PHYHD1: variants seen among roughly 807,000 people sequenced by gnomAD.
The protein encoded by PHYHD1 is phytanoyl-CoA dioxygenase domain-containing protein 1.
PHYHD1 carries 42 observed loss-of-function variants against 43.6 expected under a neutral mutation model. That is an observed-to-expected ratio of 0.96 (90% CI 0.75 to 1.25). The LOEUF (loss-of-function observed/expected upper bound fraction) is 1.25, where lower values mean the gene tolerates loss of function less well. PHYHD1 is among the 50% of genes most tolerant of loss of function. The pLI is 0.00. For missense variants in PHYHD1, 342 were observed against 370.8 expected, an observed-to-expected ratio of 0.92 and a Z score of 0.64; for synonymous variants, 139 against 143.6, an observed-to-expected ratio of 0.97 and a Z score of 0.23.
chr9:128,938,786 G>A lies in PHYHD1; in HGVS notation c.457+1008G>A, dbSNP rs116066436. ...ATTCAGCATAGAAATTGCTGATCTA[G>A]TTCCACACCCTACACCATGCAGCCA... On this transcript the variant is annotated intron_variant, in intron 9 of 12. Coordinates refer to ENST00000372592, the MANE Select transcript of PHYHD1 (RefSeq NM_001100876.2). Among the ~76,000 whole-genome samples, 27 of 131,086 alleles carry A rather than the reference G, an allele frequency of 2.1e-4. 2 individuals are homozygous for A. Among genetic ancestry groups the A allele is most frequent in the African/African-American group, 6.8e-4 (27 of 39,968 alleles). The allele number at this position is 131,086 out of a possible 152,430, so 86.0% of individuals were successfully genotyped here. A position where few individuals can be genotyped will look rare whatever the true frequency, so the allele number is the denominator to read the frequency against.
intron 3 of PHYHD1, among the ~76,000 whole-genome samples, chr9:128,926,644 C>T (rs560840562): frequency 1.0e-3 from 145 of 143,028 alleles, no homozygotes; most frequent in African/African-American, 3.3e-3. Flanking sequence ...CTGCAACCTC[C>T]GCCTCCTGGG....
chr9:128,932,847 AT>A (rs1215585612), intron 4 of PHYHD1, among the ~76,000 whole-genome samples: 1 of 148,092 alleles, frequency 6.8e-6, no homozygotes, highest in African/African-American at 2.5e-5. Flanking sequence ...TTATTTATTT[AT>A]TTATTTATTT....
chr9:128,932,392 A>C (rs1362348533), intron 4 of PHYHD1, among the ~76,000 whole-genome samples: 1 of 149,622 alleles, frequency 6.7e-6, no homozygotes, highest in African/African-American at 2.5e-5. Context: ...CTTGAGATGG[A>C]ATTTCGCTCT....
At chr9:128,933,675 C>T in intron 4 of PHYHD1, 107 bp from the exon 5 acceptor site, 1 of 1,226,212 alleles carries the variant, frequency 8.2e-7, no homozygotes, top group Non-Finnish European at 1.2e-6. Context: ...CCCAGGGTGT[C>T]TGTAACCCTG....
chr9:128,941,448 C>T lies in PHYHD1; in HGVS notation c.707C>T (p.Ala236Val), dbSNP rs1251756493. 1 of 1,613,298 alleles carries T rather than the reference C, an allele frequency of 6.2e-7. No homozygotes were observed. Among genetic ancestry groups the T allele is most frequent in the East Asian group, 2.2e-5 (1 of 44,866 alleles). The change falls in exon 12 of 13, where the codon GCC (alanine) becomes GTC (valine). Residue 236 changes from alanine (A) to valine (V), a missense_variant. Physicochemically the swap from Ala to Val is moderately conservative, Grantham distance 64 (BLOSUM62 0). Transcript: ENST00000372592. ...GACCTGCTTGTGTCTCTGCCAGGGG[C>T]CCTGGTCCTCATCCATGGAGAAGTG... ...LFVPTPVQRG[A>V]LVLIHGEVVH...
intron 4 of PHYHD1, among the ~76,000 whole-genome samples, chr9:128,931,412 A>G (rs1841272357): frequency 6.6e-6 from 1 of 151,986 alleles, no homozygotes; most frequent in South Asian, 2.1e-4. Flanking sequence ...CACCCATCCT[A>G]GAGCCAGGAT....
At chr9:128,934,251 T>C (rs940820253) in intron 6 of PHYHD1, among the ~76,000 whole-genome samples, 193 bp downstream of exon 6, 3 of 151,806 alleles carry the variant, frequency 2.0e-5, no homozygotes, top group African/African-American at 7.3e-5. Context: ...TAGGTGAGTG[T>C]AGTGGTGCAC....
intron 9 of PHYHD1, among the ~76,000 whole-genome samples, chr9:128,938,457 T>C (rs1397349076): frequency 1.3e-5 from 2 of 152,154 alleles, no homozygotes; most frequent in East Asian, 3.9e-4. Flanking sequence ...GTTTCATTCT[T>C]GTCACCCAAG....
intron 4 of PHYHD1, among the ~76,000 whole-genome samples, chr9:128,928,230 C>T (rs10988156): frequency 0.18 from 27,481 of 152,176 alleles, 3,223 homozygotes; most frequent in Non-Finnish European, 0.27. Context: ...AAGCTGGTCT[C>T]ATTTGCTGCA....
intron 12 of PHYHD1, 21 bp downstream of exon 12, chr9:128,941,592 G>A: frequency 1.9e-6 from 3 of 1,614,164 alleles, no homozygotes; most frequent in Non-Finnish European, 2.5e-6. Flanking sequence ...GGGTGGGTGT[G>A]TGTGCCCGAC....
intron 9 of PHYHD1, among the ~76,000 whole-genome samples, chr9:128,938,430 T>G (rs559978907): frequency 6.6e-5 from 10 of 151,622 alleles, no homozygotes; most frequent in South Asian, 6.3e-4. Flanking sequence ...GTTTTTTGGG[T>G]TTTTTTTTGA....
intron 4 of PHYHD1, among the ~76,000 whole-genome samples, chr9:128,930,438 C>T (rs1403748868): frequency 6.7e-6 from 1 of 149,938 alleles, no homozygotes; most frequent in Non-Finnish European, 1.5e-5. Context: ...AAATGAGACA[C>T]TGTCTTTTTA....
intron 9 of PHYHD1, 48 bp from the exon 10 acceptor site, chr9:128,940,321 G>A: frequency 1.9e-6 from 3 of 1,608,596 alleles, no homozygotes; most frequent in Non-Finnish European, 2.6e-6. Context: ...AAGGTGAGGT[G>A]GAAACAGGCA....
intron 9 of PHYHD1, among the ~76,000 whole-genome samples, chr9:128,939,792 T>C (rs1479182928): frequency 8.2e-6 from 1 of 121,258 alleles, no homozygotes. Flanking sequence ...GTAGCTGGGA[T>C]TACAGGCGCC....
At chr9:128,935,135 A>G (rs184492222) in intron 6 of PHYHD1, among the ~76,000 whole-genome samples, 1 of 152,232 alleles carries the variant, frequency 6.6e-6, no homozygotes, top group East Asian at 1.9e-4. Flanking sequence ...TTTTAAATAA[A>G]ATTGAGAGGA....
intron 9 of PHYHD1, among the ~76,000 whole-genome samples, chr9:128,939,678 G>A (rs1198142991): frequency 2.9e-5 from 3 of 102,324 alleles, no homozygotes; most frequent in Non-Finnish European, 5.6e-5. Flanking sequence ...TTTTTGAGAG[G>A]GAGTCTTGCT....
At position 128,922,288 on chromosome 9, in the gene PHYHD1, C is replaced by G; in HGVS notation, c.-36C>G. ...AACTTTCTCCTCCCCACCAGGAGGCCGCGCTTAGAAGCCGCCCAGTGCCCT... is the reference window on the plus strand; with the variant it reads ...AACTTTCTCCTCCCCACCAGGAGGCGGCGCTTAGAAGCCGCCCAGTGCCCT... On this transcript the variant is annotated 5_prime_UTR_variant, in exon 3 of 13. Coordinates refer to ENST00000372592, the MANE Select transcript of PHYHD1 (RefSeq NM_001100876.2). The G allele has an allele frequency of 3.2e-6, 5 of 1,550,392 alleles. No individual in the cohort carries two copies. In the South Asian group the frequency reaches 6.0e-5, roughly 18 times the overall value.
intron 3 of PHYHD1, 130 bp from the exon 4 acceptor site, chr9:128,926,908 T>C (rs1449944057): frequency 2.4e-6 from 3 of 1,253,390 alleles, no homozygotes; most frequent in East Asian, 2.3e-5. Flanking sequence ...CCAGACTCCA[T>C]GCCTGGGGTT....
Position 128,941,692 on chromosome 9 carries a change from C to G in PHYHD1, c.855C>G (p.Pro285=). The stretch of plus-strand genomic sequence containing the variant: ...GGCTCCAGCCAACAGCTGAACTGCC[C>G]TTTCCCCAACTGTACACCTAAAGGC... The part of the protein sequence containing the change: ...ENWLQPTAEL[P]FPQLYT Residue 285 remains proline, a synonymous_variant, in exon 13 of 13, where the codon CCC becomes CCG. Coordinates refer to ENST00000372592, the MANE Select transcript of PHYHD1 (RefSeq NM_001100876.2). 8 of 1,614,210 alleles carry G rather than the reference C, an allele frequency of 5.0e-6. No homozygotes were observed. The highest frequency in any genetic ancestry group is 6.8e-6 in the Non-Finnish European group (8 of 1,180,032).
Sources: allele counts gnomAD v4.1 joint callset (sites outside exome capture counted in the v4.1 genomes callset), GRCh38; gene constraint gnomAD v4.1.1; transcripts MANE v1.5; gene names NCBI Gene and HGNC (gene_info 2026-07-23, HGNC 2026-07-21).